TEAD1: variants seen among roughly 807,000 people sequenced by gnomAD.
TEAD1 encodes TEA domain transcription factor 1.
A neutral mutation model predicts 54.9 loss-of-function variants in TEAD1; 9 were observed. The ratio of observed to expected loss-of-function variants is 0.16; its 90% CI spans 0.10 to 0.29. TEAD1 has a LOEUF of 0.29. TEAD1 is among the 10% of genes least tolerant of loss of function. The probability of loss-of-function intolerance (pLI) is 1.00; values close to 1 mark genes in which losing one functional copy is unlikely to be tolerated. For synonymous variants in TEAD1, 200 were observed against 187.8 expected (o/e 1.07, Z -0.53); for missense variants, 387 against 535.9 (o/e 0.72, Z 2.74).
intron 3 of TEAD1, among the ~76,000 whole-genome samples, chr11:12,853,048 G>A (rs1320789583): frequency 1.3e-5 from 2 of 152,086 alleles, no homozygotes; most frequent in African/African-American, 4.8e-5. Flanking sequence ...TGCTGGTCTG[G>A]TGAAGTGGGC....
chr11:12,818,113 A>C (rs528375870), intron 3 of TEAD1, among the ~76,000 whole-genome samples: 1 of 152,388 alleles, frequency 6.6e-6, no homozygotes, highest in South Asian at 2.1e-4. Flanking sequence ...GGGTGGTTGC[A>C]GCCAATAACC....
chr11:12,795,133 G>C (rs549716186), intron 3 of TEAD1, among the ~76,000 whole-genome samples: 1 of 152,298 alleles, frequency 6.6e-6, no homozygotes, highest in Admixed American at 6.5e-5. Context: ...CTTTAGGGGA[G>C]GATGTGTTCT....
At chr11:12,709,312 T>TGG (rs753231492) in intron 2 of TEAD1, among the ~76,000 whole-genome samples, 23 of 151,930 alleles carry the variant, frequency 1.5e-4, no homozygotes, top group Non-Finnish European at 2.9e-4. Context: ...CACTCCAGCC[T>TGG]GGATGATAGA....
chr11:12,869,231 T>C (rs1947688307), intron 5 of TEAD1, among the ~76,000 whole-genome samples: 2 of 152,084 alleles, frequency 1.3e-5, no homozygotes, highest in South Asian at 4.1e-4. Flanking sequence ...GGATAGCTAA[T>C]AAGAGGGAGG....
intron 5 of TEAD1, among the ~76,000 whole-genome samples, chr11:12,877,143 T>C (rs1947867844): frequency 6.6e-6 from 1 of 152,180 alleles, no homozygotes; most frequent in Admixed American, 6.5e-5. Flanking sequence ...TGCCATCTGA[T>C]AAGAAGGAGA....
At chr11:12,892,562 T>C (rs1948218516) in intron 9 of TEAD1, among the ~76,000 whole-genome samples, 1 of 152,134 alleles carries the variant, frequency 6.6e-6, no homozygotes, top group African/African-American at 2.4e-5. Context: ...GAGATTTGCT[T>C]GAACCTGGGA....
intron 11 of TEAD1, among the ~76,000 whole-genome samples, chr11:12,928,429 G>T (rs900509891): frequency 4.0e-5 from 6 of 151,810 alleles, no homozygotes. Flanking sequence ...CTACAGGCCT[G>T]TGCCACCATG....
intron 3 of TEAD1, among the ~76,000 whole-genome samples, chr11:12,796,377 T>C (rs1295627221): frequency 1.3e-5 from 2 of 152,196 alleles, no homozygotes; most frequent in African/African-American, 4.8e-5. Flanking sequence ...GCTATTGTGT[T>C]ACTTTTGGGG....
intron 2 of TEAD1, among the ~76,000 whole-genome samples, chr11:12,752,218 T>G (rs1228794853): frequency 6.7e-6 from 1 of 150,270 alleles, no homozygotes; most frequent in Non-Finnish European, 1.5e-5. Flanking sequence ...GGGCAGTTTT[T>G]TTTTTTTTTT....
At chr11:12,686,845 C>G (rs1678313847) in intron 2 of TEAD1, among the ~76,000 whole-genome samples, 1 of 152,184 alleles carries the variant, frequency 6.6e-6, no homozygotes, top group South Asian at 2.1e-4. Flanking sequence ...TCTTTTGACA[C>G]CACTGTTTAG....
rs543223306 is a variant in TEAD1, at chr11:12,744,279, C to G, written c.-54-19900C>G. Among the ~76,000 whole-genome samples, 330 of 152,284 alleles carry G rather than the reference C, an allele frequency of 2.2e-3. 1 individual carries two copies. Among genetic ancestry groups the G allele is most frequent in the Middle Eastern group, 0.014 (4 of 294 alleles). ...TATCGGTGGCCTTGAAATTTTTCTG[C>G]TCTTTGACTGTAGGCTAGGAATCTG... On this transcript the variant is annotated intron_variant, in intron 2 of 12. Coordinates refer to ENST00000527636, the MANE Select transcript of TEAD1 (RefSeq NM_021961.6).
Position 12,758,409 on chromosome 11 carries a change from T to G in TEAD1, c.-54-5770T>G, listed in dbSNP as rs1048093971. On this transcript the variant is annotated intron_variant, in intron 2 of 12. Transcript: ENST00000527636. ...ACCTGTCATCACGCCCAGCTAGTTT[T>G]TTTTTTTTTTTTTTTTTTTGAGGTG... Among the ~76,000 whole-genome samples the G allele has an allele frequency of 7.1e-5, 10 of 141,156 alleles. No homozygotes were observed. In the East Asian group the frequency reaches 2.0e-3, roughly 29 times the overall value. The allele number at this position is 141,156 out of a possible 152,430, so 92.6% of individuals were successfully genotyped here.
chr11:12,932,431 T>C (rs974181571), intron 12 of TEAD1, among the ~76,000 whole-genome samples: 1 of 152,132 alleles, frequency 6.6e-6, no homozygotes, highest in Non-Finnish European at 1.5e-5. Flanking sequence ...GAGTCTTAGC[T>C]GTTTATTAAA....
chr11:12,871,818 G>A (rs563008442), intron 5 of TEAD1, among the ~76,000 whole-genome samples: 1 of 152,176 alleles, frequency 6.6e-6, no homozygotes, highest in Non-Finnish European at 1.5e-5. Flanking sequence ...CGTGCCCTCC[G>A]CTCGGCAGGA....
intron 5 of TEAD1, among the ~76,000 whole-genome samples, chr11:12,878,573 G>A (rs536481264): frequency 6.6e-6 from 1 of 152,210 alleles, no homozygotes; most frequent in East Asian, 1.9e-4. Context: ...CATACCAGGA[G>A]GCTATTTCTC....
intron 2 of TEAD1, among the ~76,000 whole-genome samples, chr11:12,685,548 A>G (rs1462165431): frequency 6.6e-6 from 1 of 152,176 alleles, no homozygotes; most frequent in Non-Finnish European, 1.5e-5. Context: ...AAAAACTGAT[A>G]ATCAGACCTA....
intron 2 of TEAD1, among the ~76,000 whole-genome samples, chr11:12,729,578 ACT>A (rs1481447727): frequency 5.3e-5 from 8 of 152,100 alleles, no homozygotes; most frequent in Non-Finnish European, 1.0e-4. Context: ...AAAAATCAAG[ACT>A]CATCCTTATA....
chr11:12,878,205 T>C (rs990121952), intron 5 of TEAD1, among the ~76,000 whole-genome samples: 1 of 151,962 alleles, frequency 6.6e-6, no homozygotes, highest in Admixed American at 6.6e-5. Context: ...GGCAAAGTAG[T>C]ATCTACACCC....
intron 10 of TEAD1, among the ~76,000 whole-genome samples, chr11:12,918,684 C>G (rs1228765462): frequency 6.6e-6 from 1 of 152,154 alleles, no homozygotes; most frequent in Non-Finnish European, 1.5e-5. Flanking sequence ...CCCTCAAAAG[C>G]ATATTCAAGA....
Sources: gnomAD v4.1 joint callset for allele counts (sites outside exome capture counted in the v4.1 genomes callset) on GRCh38, gnomAD v4.1.1 for gene constraint, MANE v1.5 for transcripts, NCBI Gene and HGNC (gene_info 2026-07-23, HGNC 2026-07-21) for gene names.